DEAF1: variants seen among roughly 807,000 people sequenced by gnomAD.
DEAF1 encodes the protein DEAF1 transcription factor.
DEAF1 carries 53 observed loss-of-function variants against 58.9 expected under a neutral mutation model. That is an observed-to-expected ratio of 0.90 (90% CI 0.72 to 1.13). The LOEUF is 1.13. Among genes scored for constraint, DEAF1 ranks in the 50% most tolerant of loss-of-function variants. The probability of loss-of-function intolerance (pLI) is 0.00; values close to 1 mark genes in which losing one functional copy is unlikely to be tolerated. For missense variants in DEAF1, 685 were observed against 791.4 expected (o/e 0.87, Z 1.61); for synonymous variants, 385 against 340.4 (o/e 1.13, Z -1.44).
At chr11:700,293 G>C in intron 1 of DEAF1, 1 of 1,454,468 alleles carries the variant, frequency 6.9e-7, no homozygotes, top group Non-Finnish European at 9.6e-7. Context: ...TTGGGAGGCT[G>C]AGGTGGGCGG....
chr11:649,220 T>C (rs1043043506), intron 11 of DEAF1, among the ~76,000 whole-genome samples: 23 of 150,548 alleles, frequency 1.5e-4, no homozygotes, highest in African/African-American at 4.9e-4. Context: ...CACTGCACTC[T>C]AGCCTGGGCA....
intron 7 of DEAF1, among the ~76,000 whole-genome samples, chr11:680,704 G>A (rs1001289125): frequency 2.6e-5 from 4 of 152,196 alleles, no homozygotes; most frequent in Non-Finnish European, 5.9e-5. Context: ...ACTCAGCCAT[G>A]CTCACTCATA....
chr11:685,353 G>A (rs1200434309), intron 5 of DEAF1, among the ~76,000 whole-genome samples: 1 of 152,034 alleles, frequency 6.6e-6, no homozygotes, highest in Non-Finnish European at 1.5e-5. Context: ...CGAAGTGCTG[G>A]GATTACAAGC....
At chr11:696,374 C>A (rs572360767), upstream of DEAF1, among the ~76,000 whole-genome samples, 7 of 152,288 alleles carry the variant, frequency 4.6e-5, no homozygotes, top group African/African-American at 1.7e-4. Context: ...AACCTTCGTG[C>A]GTGTTCTCTA....
intron 11 of DEAF1, among the ~76,000 whole-genome samples, chr11:652,608 A>G (rs1185850827): frequency 1.3e-5 from 2 of 152,016 alleles, no homozygotes; most frequent in Non-Finnish European, 2.9e-5. Flanking sequence ...ACTGCACTCC[A>G]GCCTGGGCTA....
intron 10 of DEAF1, among the ~76,000 whole-genome samples, chr11:656,729 G>A (rs1448251892): frequency 6.6e-6 from 1 of 152,226 alleles, no homozygotes; most frequent in African/African-American, 2.4e-5. Flanking sequence ...TCCTGTACTT[G>A]CCCCCCAGCA....
intron 4 of DEAF1, among the ~76,000 whole-genome samples, chr11:687,270 C>T (rs1440415463): frequency 6.6e-6 from 1 of 152,226 alleles, no homozygotes; most frequent in Non-Finnish European, 1.5e-5. Context: ...GTACCCACTT[C>T]CAGAGCCTTC....
chr11:701,895 C>T (rs1367015546), intron 1 of DEAF1, among the ~76,000 whole-genome samples: 1 of 152,224 alleles, frequency 6.6e-6, no homozygotes, highest in African/African-American at 2.4e-5. Flanking sequence ...TCGCCCTCCC[C>T]AGAGCTCACC....
chr11:657,528 A>G (rs1859114767), intron 10 of DEAF1, among the ~76,000 whole-genome samples: 1 of 152,164 alleles, frequency 6.6e-6, no homozygotes, highest in Non-Finnish European at 1.5e-5. Flanking sequence ...GCTATTCCAG[A>G]TCCTCCCGTC....
chr11:646,725 C>T (rs1159422155), intron 11 of DEAF1: 2 of 152,084 alleles, frequency 1.3e-5, no homozygotes, highest in Non-Finnish European at 2.9e-5. Flanking sequence ...CAATGTGATG[C>T]TTCTTACAGT....
upstream of DEAF1, chr11:699,907 C>G (rs747531889): frequency 5.6e-6 from 3 of 538,196 alleles, no homozygotes; most frequent in Non-Finnish European, 1.0e-5. Flanking sequence ...GTGCACAGAC[C>G]GCATTGTTGT....
rs1373473035 is a variant in DEAF1, at chr11:684,922, A to G, written c.846T>C (p.Ala282=). 1 of 1,551,646 alleles carries G rather than the reference A, an allele frequency of 6.4e-7. No individual in the cohort carries two copies. Among genetic ancestry groups the G allele is most frequent in the Non-Finnish European group, 8.7e-7 (1 of 1,146,992 alleles). ...CTAAGGTCATGTCGTCGCAGCAGGC[A>G]GCACAGGTGCAAGAGGCAGCGTGAG... ...LNPHAASCTC[A]ACCDDMTLSG... Residue 282 remains alanine (A), a synonymous_variant, in exon 6 of 12, where the codon GCT becomes GCC. Transcript: ENST00000382409.
At chr11:704,292 G>A (rs1049803405) in intron 1 of DEAF1, 3 of 684,986 alleles carry the variant, frequency 4.4e-6, no homozygotes, top group East Asian at 6.6e-5. Flanking sequence ...AGGAGGCTGC[G>A]GGACTGTCCT....
At chr11:653,499 G>A (rs905094551) in intron 11 of DEAF1, among the ~76,000 whole-genome samples, 4 of 143,346 alleles carry the variant, frequency 2.8e-5, no homozygotes, top group South Asian at 2.3e-4. Context: ...TCTCTCTCGC[G>A]TGGCTCTGCA....
At chr11:676,118 C>T (rs1405367236) in intron 9 of DEAF1, among the ~76,000 whole-genome samples, 7 of 37,972 alleles carry the variant, frequency 1.8e-4, no homozygotes, top group South Asian at 1.4e-3. Context: ...CAGCATCTGA[C>T]ATCCCCCAGC....
intron 10 of DEAF1, among the ~76,000 whole-genome samples, chr11:671,850 GAA>G (rs535955654): frequency 3.6e-5 from 1 of 27,672 alleles, no homozygotes; most frequent in Admixed American, 4.7e-4. Flanking sequence ...AAAAAAAAAA[GAA>G]ACACAAAAAA....
intron 1 of DEAF1, chr11:703,798 A>C (rs756111646): frequency 2.4e-5 from 30 of 1,233,044 alleles, no homozygotes; most frequent in Non-Finnish European, 3.0e-5. Context: ...TTCTCCCTTC[A>C]GGGGCTTCGG....
At position 678,539 on chromosome 11, in the gene DEAF1, T is replaced by C. The variant is rs1046758887; in HGVS notation, c.1255+155A>G. Reference sequence around the variant, plus strand: ...GTCAGTAAAACTTTATTTACAAACATAGGCAGTGGGCCACACTTTACCAGC... The same window carrying C: ...GTCAGTAAAACTTTATTTACAAACACAGGCAGTGGGCCACACTTTACCAGC... On this transcript the variant is annotated intron_variant, in intron 9 of 11. Transcript: ENST00000382409. 13 of 1,074,626 alleles carry C rather than the reference T, an allele frequency of 1.2e-5. No homozygotes were observed. The African/African-American group carries it at 1.7e-4, about 14-fold the overall frequency. 66.6% of individuals were successfully genotyped at this position (1,074,626 alleles called of 1,614,324 possible).
Position 704,786 on chromosome 11 carries a change from G to A in DEAF1, c.-438+1786C>T, listed in dbSNP as rs188297676. 42 of 584,434 alleles carry A rather than the reference G, an allele frequency of 7.2e-5. No homozygotes were observed. In the East Asian group the frequency reaches 1.5e-3, roughly 21 times the overall value. 36.2% of individuals were successfully genotyped at this position (584,434 alleles called of 1,614,324 possible). ...GGACTGTCTCCTGAGGGCAGGCTCCGCACTCAAAATCGTGTTGACAGGCAC... is the reference window on the plus strand; with the variant it reads ...GGACTGTCTCCTGAGGGCAGGCTCCACACTCAAAATCGTGTTGACAGGCAC... On this transcript the variant is annotated intron_variant, in intron 1 of 11. Coordinates refer to the DEAF1 transcript ENST00000683307.
Sources: allele counts gnomAD v4.1 joint callset (sites outside exome capture counted in the v4.1 genomes callset), GRCh38; gene constraint gnomAD v4.1.1; transcripts MANE v1.5; gene names NCBI Gene and HGNC (gene_info 2026-07-23, HGNC 2026-07-21).